Variants in MBTD1 observed in about 807,000 individuals in gnomAD.
MBTD1 encodes MBT domain-containing protein 1.
Under a neutral mutation model 87.8 loss-of-function variants are expected in MBTD1, and 24 were observed. That is an observed-to-expected ratio of 0.27 (90% CI 0.20 to 0.38). The LOEUF (loss-of-function observed/expected upper bound fraction) is 0.38, where lower values mean the gene tolerates loss of function less well. Among genes scored for constraint, MBTD1 ranks in the 10% least tolerant of loss-of-function variants. The pLI, the probability that MBTD1 is intolerant of heterozygous loss-of-function variation, is 1.00. For synonymous variants in MBTD1, 237 were observed against 248.6 expected, an observed-to-expected ratio of 0.95 and a Z score of 0.44; for missense variants, 436 against 760.2, an observed-to-expected ratio of 0.57 and a Z score of 5.02.
intron 16 of MBTD1, among the ~76,000 whole-genome samples, chr17:51,181,330 G>T (rs2050305212): frequency 6.6e-6 from 1 of 151,962 alleles, no homozygotes; most frequent in African/African-American, 2.4e-5. Flanking sequence ...CGGCCTCAAG[G>T]AGTACTTTTA....
At chr17:51,180,950 TTAAG>T (rs762838764) in intron 16 of MBTD1, among the ~76,000 whole-genome samples, 6 of 152,190 alleles carry the variant, frequency 3.9e-5, no homozygotes, top group Admixed American at 2.0e-4. Flanking sequence ...TTGTTTGTGA[TTAAG>T]TATTCACTTT....
At chr17:51,252,715 CAG>C (rs1426891968) in intron 2 of MBTD1, among the ~76,000 whole-genome samples, 4 of 147,402 alleles carry the variant, frequency 2.7e-5, no homozygotes, top group Non-Finnish European at 4.5e-5. Flanking sequence ...GTCTGGGCGA[CAG>C]AGTGAGACTC....
intron 4 of MBTD1, among the ~76,000 whole-genome samples, chr17:51,219,277 C>T (rs1250502028): frequency 6.6e-6 from 1 of 151,982 alleles, no homozygotes; most frequent in Admixed American, 6.6e-5. Flanking sequence ...CAGCAATATG[C>T]AAATTAATAT....
At chr17:51,225,266 A>G (rs1359523229) in intron 2 of MBTD1, 57 bp from the exon 3 acceptor site, 3 of 870,600 alleles carry the variant, frequency 3.4e-6, no homozygotes, top group African/African-American at 3.5e-5. Context: ...CACCCCCTAA[A>G]AGACCCTAGC....
rs1410267494 is a variant in MBTD1, at chr17:51,260,014, C to G, written c.-292G>C. 2 of 489,924 alleles carry G rather than the reference C, an allele frequency of 4.1e-6. No homozygotes were observed. Among genetic ancestry groups the G allele is most frequent in the Non-Finnish European group, 6.4e-6 (2 of 311,068 alleles). 30.3% of individuals were successfully genotyped at this position (489,924 alleles called of 1,614,324 possible). On this transcript the variant is annotated 5_prime_UTR_variant, in exon 1 of 17. Coordinates refer to ENST00000586178, the MANE Select transcript of MBTD1 (RefSeq NM_017643.3). ...GTGCAGCAGCCCCCGGATTTCCCCCCTTTAACTCGGGTGGCCCCAGGATAT... is the reference window on the plus strand; with the variant it reads ...GTGCAGCAGCCCCCGGATTTCCCCCGTTTAACTCGGGTGGCCCCAGGATAT...
At position 51,195,390 on chromosome 17, in the gene MBTD1, T is replaced by C. The variant is rs200346712; in HGVS notation, c.1225-29A>G. 5 of 1,519,898 alleles carry C rather than the reference T, an allele frequency of 3.3e-6. No homozygotes were observed. In the African/African-American group the frequency reaches 5.6e-5, roughly 17 times the overall value. The allele number at this position is 1,519,898 out of a possible 1,614,324, so 94.2% of individuals were successfully genotyped here. On this transcript the variant is annotated intron_variant, in intron 12 of 16. Transcript: ENST00000586178. ...TTCAATGAAGAGAATTCTAAGTACTTGAAATTAGATACCACTATTATAAAA... is the reference window on the plus strand; with the variant it reads ...TTCAATGAAGAGAATTCTAAGTACTCGAAATTAGATACCACTATTATAAAA...
chr17:51,258,954 T>G (rs2055266258), intron 2 of MBTD1, among the ~76,000 whole-genome samples, 189 bp downstream of exon 2: 1 of 151,900 alleles, frequency 6.6e-6, no homozygotes, highest in Non-Finnish European at 1.5e-5. Context: ...GAGCAGTGGG[T>G]GGGTGAGGAG....
chr17:51,203,359 A>G (rs1204459261), intron 8 of MBTD1, 131 bp from the exon 9 acceptor site: 1 of 558,338 alleles, frequency 1.8e-6, no homozygotes, highest in African/African-American at 2.0e-5. Flanking sequence ...AATATAGAGA[A>G]AGCAAGTATA....
At chr17:51,225,615 C>A (rs1306912409) in intron 2 of MBTD1, among the ~76,000 whole-genome samples, 1 of 151,838 alleles carries the variant, frequency 6.6e-6, no homozygotes, top group Middle Eastern at 3.2e-3. Flanking sequence ...CTCAAGCCTC[C>A]CAGAGTGCTC....
intron 7 of MBTD1, among the ~76,000 whole-genome samples, chr17:51,206,056 C>T (rs1437190928): frequency 1.3e-5 from 2 of 151,964 alleles, no homozygotes; most frequent in South Asian, 2.1e-4. Flanking sequence ...AACATTTGGC[C>T]GATGTGAACA....
chr17:51,212,232 C>T (rs538296197), intron 6 of MBTD1, among the ~76,000 whole-genome samples: 1 of 151,878 alleles, frequency 6.6e-6, no homozygotes, highest in Non-Finnish European at 1.5e-5. Flanking sequence ...GTTGTGTAGG[C>T]CTGTAATCCC....
At chr17:51,220,870 T>C (rs1323147464) in intron 3 of MBTD1, among the ~76,000 whole-genome samples, 2 of 152,192 alleles carry the variant, frequency 1.3e-5, no homozygotes, top group African/African-American at 4.8e-5. Flanking sequence ...TAACAAAGTA[T>C]AACACAGGCC....
chr17:51,239,562 A>G (rs2054045667), intron 2 of MBTD1, among the ~76,000 whole-genome samples: 1 of 152,204 alleles, frequency 6.6e-6, no homozygotes, highest in African/African-American at 2.4e-5. Flanking sequence ...CCTCTAAATC[A>G]GAAGTAGAAG....
intron 2 of MBTD1, among the ~76,000 whole-genome samples, chr17:51,239,926 G>A (rs559138879): frequency 3.3e-5 from 5 of 152,056 alleles, no homozygotes; most frequent in Non-Finnish European, 7.4e-5. Flanking sequence ...CCGTCCTCCA[G>A]TTTCGTCAAC....
chr17:51,178,045 A>G lies in MBTD1; in HGVS notation c.*2531T>C, dbSNP rs1444837540. 1 of 152,228 alleles carries G rather than the reference A, an allele frequency of 6.6e-6. No homozygotes were observed. The highest frequency in any genetic ancestry group is 1.5e-5 in the Non-Finnish European group (1 of 68,046). The allele number at this position is 152,228 out of a possible 1,614,324, so 9.4% of individuals were successfully genotyped here. ...TTAGCTTTCCTCATACACGGCAAGGAAAAGGTTAAAGAGTTTAAACTACCA... is the reference window on the plus strand; with the variant it reads ...TTAGCTTTCCTCATACACGGCAAGGGAAAGGTTAAAGAGTTTAAACTACCA... On this transcript the variant is annotated 3_prime_UTR_variant, in exon 17 of 17. Transcript: ENST00000586178.
intron 2 of MBTD1, among the ~76,000 whole-genome samples, chr17:51,258,149 G>T (rs989949064): frequency 2.0e-5 from 3 of 152,162 alleles, no homozygotes; most frequent in Admixed American, 6.6e-5. Context: ...GAAAAATTGA[G>T]TCTAACCTTT....
intron 6 of MBTD1, among the ~76,000 whole-genome samples, chr17:51,211,179 G>A (rs1344047979): frequency 6.7e-6 from 1 of 149,024 alleles, no homozygotes; most frequent in African/African-American, 2.5e-5. Flanking sequence ...AAAAATTTAA[G>A]TTAGGCTTTC....
rs1329879377 is a variant in MBTD1, at chr17:51,225,200, A to T, written c.-39T>A. 6.6e-7 allele frequency: 1 copy of T among 1,510,880 alleles called. No homozygotes were observed. Among genetic ancestry groups the T allele is most frequent in the Non-Finnish European group, 8.9e-7 (1 of 1,125,938 alleles). 93.6% of individuals were successfully genotyped at this position (1,510,880 alleles called of 1,614,324 possible). ...CTTCTTTTCCTTTCAGATCGTGAAG[A>T]ATGTTCAGTCTTTGAAGTAAGAGAA... On this transcript the variant is annotated 5_prime_UTR_variant, in exon 3 of 17. Transcript: ENST00000586178.
chr17:51,212,368 A>AG (rs397948566), intron 6 of MBTD1, among the ~76,000 whole-genome samples: 5 of 147,308 alleles, frequency 3.4e-5, no homozygotes, highest in Non-Finnish European at 7.7e-5. Context: ...AAAAAAAAAA[A>AG]GAAAAGAAAA....
Sources: allele counts gnomAD v4.1 joint callset (sites outside exome capture counted in the v4.1 genomes callset), GRCh38; gene constraint gnomAD v4.1.1; transcripts MANE v1.5; gene names NCBI Gene and HGNC (gene_info 2026-07-23, HGNC 2026-07-21).